Variants in VPS37A observed in about 807,000 individuals in gnomAD.
VPS37A encodes the protein VPS37A subunit of ESCRT-I.
In VPS37A, 30 loss-of-function variants were observed where a neutral mutation model predicts 49.8. The ratio of observed to expected loss-of-function variants is 0.60; its 90% CI spans 0.45 to 0.82. The LOEUF (loss-of-function observed/expected upper bound fraction) is 0.82, where lower values mean the gene tolerates loss of function less well. Ranked by LOEUF, VPS37A falls within the 40% of genes least tolerant of loss-of-function variation. The probability of loss-of-function intolerance (pLI) is 0.00; values close to 1 mark genes in which losing one functional copy is unlikely to be tolerated. For synonymous variants in VPS37A, 195 were observed against 160.6 expected (o/e 1.21, Z -1.62); for missense variants, 593 against 464.4 (o/e 1.28, Z -2.55).
the VPS37A span, chr8:17,309,332 C>G: frequency 1.9e-6 from 3 of 1,546,252 alleles, no homozygotes; most frequent in South Asian, 3.4e-5. Flanking sequence ...AATACCTACA[C>G]AAGAAAGAAT....
At chr8:17,281,717 A>C (rs1220047002) in intron 9 of VPS37A, among the ~76,000 whole-genome samples, 2 of 152,040 alleles carry the variant, frequency 1.3e-5, no homozygotes, top group African/African-American at 4.8e-5. Context: ...ACAATCAAAA[A>C]TTCTAGAGAA....
intron 6 of VPS37A, among the ~76,000 whole-genome samples, chr8:17,279,539 A>G (rs973986033): frequency 6.6e-6 from 1 of 152,146 alleles, no homozygotes; most frequent in African/African-American, 2.4e-5. Context: ...TCTGGTTCCT[A>G]TCAGGGAAAT....
rs73669046 is a variant in VPS37A at position 17,260,989 on chromosome 8, A to G, written c.126-4918A>G. Among the ~76,000 whole-genome samples the G allele has an allele frequency of 7.2e-3, 1,092 of 152,262 alleles. 23 individuals are homozygous for G. Among genetic ancestry groups the G allele is most frequent in the African/African-American group, 0.025 (1,034 of 41,528 alleles). ...ATTTGTTCAGTGTATCTGACCTTCC[A>G]GTACCTGGATATTTATGACTTTCTC... is the stretch of plus-strand genomic sequence containing the variant. On this transcript the variant is annotated intron_variant, in intron 1 of 11. Coordinates refer to ENST00000324849, the MANE Select transcript of VPS37A (RefSeq NM_152415.3).
downstream of VPS37A, chr8:17,300,161 G>C: frequency 1.2e-6 from 2 of 1,614,034 alleles, no homozygotes; most frequent in Non-Finnish European, 1.7e-6. Flanking sequence ...TGCTTGCTGG[G>C]CTCACTTTGC....
intron 11 of VPS37A, among the ~76,000 whole-genome samples, chr8:17,294,337 C>G (rs1816424708): frequency 6.6e-6 from 1 of 152,182 alleles, no homozygotes; most frequent in Non-Finnish European, 1.5e-5. Flanking sequence ...CGACCTCAGA[C>G]TGCTATGCTG....
rs1813703910 is a variant in VPS37A at position 17,268,722 on chromosome 8, T to C, written c.316-134T>C. 3 of 658,826 alleles carry C rather than the reference T, an allele frequency of 4.6e-6. No individual in the cohort carries two copies. In the South Asian group the frequency reaches 5.5e-5, roughly 12 times the overall value. The allele number at this position is 658,826 out of a possible 1,614,324, so 40.8% of individuals were successfully genotyped here. A position where few individuals can be genotyped will look rare whatever the true frequency, so the allele number is the denominator to read the frequency against. On this transcript the variant is annotated intron_variant, in intron 3 of 11. Transcript: ENST00000324849. ...TCTATAAGAAAATGCTATAACTTGT[T>C]AATTGCTAATATCCTTTTTCATTTA...
chr8:17,272,979 A>G (rs1211639034), intron 4 of VPS37A, among the ~76,000 whole-genome samples: 1 of 69,922 alleles, frequency 1.4e-5, no homozygotes, highest in African/African-American at 5.7e-5. Flanking sequence ...ATAGTATTGT[A>G]TTTTCCCCCT....
At chr8:17,309,689 C>A in the VPS37A span, among the ~76,000 whole-genome samples, 1 of 152,132 alleles carries the variant, frequency 6.6e-6, no homozygotes, top group Non-Finnish European at 1.5e-5. Context: ...CATATTCGCC[C>A]AAGATCATGC....
chr8:17,320,292 G>C, the VPS37A span, among the ~76,000 whole-genome samples: 1 of 152,124 alleles, frequency 6.6e-6, no homozygotes, highest in Non-Finnish European at 1.5e-5. Flanking sequence ...CTGATCAAAA[G>C]TCTTCAAACA....
At chr8:17,272,311 C>G (rs1419805395) in intron 4 of VPS37A, among the ~76,000 whole-genome samples, 1 of 152,128 alleles carries the variant, frequency 6.6e-6, no homozygotes, top group Non-Finnish European at 1.5e-5. Context: ...ATTCCACTTC[C>G]AGGTACTTCA....
chr8:17,248,936 G>T (rs937247085), intron 1 of VPS37A, among the ~76,000 whole-genome samples: 2 of 152,168 alleles, frequency 1.3e-5, no homozygotes, highest in African/African-American at 2.4e-5. Flanking sequence ...ACCTTTAAGA[G>T]CTACTCTCAC....
intron 11 of VPS37A, among the ~76,000 whole-genome samples, chr8:17,288,002 G>C (rs565711932): frequency 6.6e-6 from 1 of 152,166 alleles, no homozygotes; most frequent in African/African-American, 2.4e-5. Flanking sequence ...AACTATTTCT[G>C]CTCCTTGTAA....
chr8:17,292,466 G>A (rs1816242345), intron 11 of VPS37A, among the ~76,000 whole-genome samples: 1 of 151,920 alleles, frequency 6.6e-6, no homozygotes, highest in Non-Finnish European at 1.5e-5. Flanking sequence ...CCCGTTTAAG[G>A]TTAATATTGT....
At chr8:17,316,437 C>CAGTTGA in the VPS37A span, among the ~76,000 whole-genome samples, 37 of 150,116 alleles carry the variant, frequency 2.5e-4, no homozygotes, top group African/African-American at 9.1e-4. Flanking sequence ...GTTGTTCCCT[C>CAGTTGA]CTTTTCAATA....
rs988109897 is a variant in VPS37A, at chr8:17,247,297, C to T, written c.53C>T (p.Ser18Phe). ...TKSASSSAAGSPGGLTSLQQQ... is the reference protein window; with the variant it reads ...TKSASSSAAGFPGGLTSLQQQ... ...AGCGCCTCCTCCTCCGCGGCTGGGT[C>T]CCCCGGTGGCCTCACCAGCCTCCAG... The change falls in exon 1 of 12, where the codon TCC (serine) becomes TTC (phenylalanine). Residue 18 changes from serine to phenylalanine, a missense_variant. Ser to Phe is a radical substitution (Grantham distance 155). Coordinates refer to ENST00000324849, the MANE Select transcript of VPS37A (RefSeq NM_152415.3). The T allele has an allele frequency of 3.2e-6, 5 of 1,564,870 alleles. No individual in the cohort carries two copies. The highest frequency in any genetic ancestry group is 3.5e-6 in the Non-Finnish European group (4 of 1,154,850).
downstream of VPS37A, chr8:17,305,661 G>GA (rs1167511487): frequency 3.6e-6 from 4 of 1,101,498 alleles, no homozygotes; most frequent in East Asian, 7.3e-5. Flanking sequence ...GTGACTAAAT[G>GA]AAAAAAGTCT....
At chr8:17,288,226 T>A (rs1476839071) in intron 11 of VPS37A, among the ~76,000 whole-genome samples, 5 of 152,136 alleles carry the variant, frequency 3.3e-5, no homozygotes, top group Middle Eastern at 3.2e-3. Context: ...GAAAATCTTT[T>A]TTATTATTAT....
the VPS37A span, among the ~76,000 whole-genome samples, chr8:17,330,631 G>T: frequency 6.6e-6 from 1 of 152,160 alleles, no homozygotes; most frequent in Non-Finnish European, 1.5e-5. Context: ...TACGTGTCTT[G>T]TCATGTTCGC....
the VPS37A span, among the ~76,000 whole-genome samples, chr8:17,333,398 G>A: frequency 3.9e-5 from 6 of 152,144 alleles, no homozygotes; most frequent in African/African-American, 9.7e-5. Flanking sequence ...TTTCAAAGAT[G>A]TTGGTTTATC....
Sources: allele counts gnomAD v4.1 joint callset (sites outside exome capture counted in the v4.1 genomes callset), GRCh38; gene constraint gnomAD v4.1.1; transcripts MANE v1.5; gene names NCBI Gene and HGNC (gene_info 2026-07-23, HGNC 2026-07-21).